Variants in CAST observed in about 807,000 individuals in gnomAD.
The protein encoded by CAST is calpastatin, also known as MIR583 host.
Under a neutral mutation model 119.6 loss-of-function variants are expected in CAST, and 76 were observed. The ratio of observed to expected loss-of-function variants is 0.64; its 90% CI spans 0.53 to 0.77. CAST has a LOEUF of 0.77. Among genes scored for constraint, CAST ranks in the 30% least tolerant of loss-of-function variants. The pLI is 0.00. For missense variants in CAST, 953 were observed against 946.5 expected (o/e 1.01, Z -0.09); for synonymous variants, 319 against 331.6 (o/e 0.96, Z 0.41).
At chr5:96,013,534 T>C in the CAST span, among the ~76,000 whole-genome samples, 1 of 152,144 alleles carries the variant, frequency 6.6e-6, no homozygotes, top group Non-Finnish European at 1.5e-5. Flanking sequence ...ATGATGTGAT[T>C]ATATACAGTC....
chr5:96,111,725 G>C, the CAST span, among the ~76,000 whole-genome samples: 3 of 152,158 alleles, frequency 2.0e-5, no homozygotes, highest in African/African-American at 7.2e-5. Context: ...CAGTACCTAA[G>C]AAGCAAAGCT....
chr5:96,368,267 A>T, the CAST span, among the ~76,000 whole-genome samples: 3 of 152,000 alleles, frequency 2.0e-5, 1 homozygote, highest in African/African-American at 7.2e-5. Context: ...TGGGTGGCCA[A>T]TGCGGGTGGA....
chr5:96,447,968 C>T, the CAST span, among the ~76,000 whole-genome samples: 1 of 150,060 alleles, frequency 6.7e-6, no homozygotes, highest in Non-Finnish European at 1.5e-5. Context: ...GATTTTCAAA[C>T]ATTTTGAGTG....
intron 3 of CAST, chr5:96,702,768 G>A (rs1754101361): frequency 5.1e-6 from 5 of 985,482 alleles, no homozygotes; most frequent in Non-Finnish European, 6.0e-6. Flanking sequence ...GGAGCATCCT[G>A]CGTCGCCTTC....
chr5:96,693,955 T>G (rs996397981), intron 2 of CAST, among the ~76,000 whole-genome samples: 1 of 152,174 alleles, frequency 6.6e-6, no homozygotes, highest in Non-Finnish European at 1.5e-5. Flanking sequence ...CCTGAACTCC[T>G]GCAAATGCCT....
the CAST span, among the ~76,000 whole-genome samples, chr5:96,433,606 A>AG: frequency 4.6e-5 from 7 of 151,252 alleles, no homozygotes; most frequent in East Asian, 1.2e-3. Context: ...TGTGGCGGGG[A>AG]GGGGGGGAGG....
At chr5:96,469,787 A>C in the CAST span, among the ~76,000 whole-genome samples, 1 of 150,332 alleles carries the variant, frequency 6.7e-6, no homozygotes, top group Non-Finnish European at 1.5e-5. Context: ...GCATAATAGA[A>C]AGGGAGAAGA....
chr5:96,740,250 C>A, intron 12 of CAST, 132 bp downstream of exon 12: 1 of 594,598 alleles, frequency 1.7e-6, no homozygotes, highest in Non-Finnish European at 3.0e-6. Flanking sequence ...CTATGAAGCT[C>A]GCTGCATTGG....
At chr5:96,167,478 C>T in the CAST span, among the ~76,000 whole-genome samples, 3 of 152,324 alleles carry the variant, frequency 2.0e-5, no homozygotes, top group African/African-American at 7.2e-5. Context: ...GGGCTGTACC[C>T]TGTAGCATTC....
At chr5:96,655,573 T>TA (rs1255471769) in intron 1 of CAST, among the ~76,000 whole-genome samples, 1 of 152,184 alleles carries the variant, frequency 6.6e-6, no homozygotes. Flanking sequence ...TAGAGAGCTT[T>TA]AAAAAAGGAC....
the CAST span, among the ~76,000 whole-genome samples, chr5:96,083,852 A>G: frequency 3.3e-5 from 5 of 152,172 alleles, no homozygotes; most frequent in Non-Finnish European, 7.4e-5. Flanking sequence ...TCTCAAAACC[A>G]TGGTGTGGTG....
the CAST span, among the ~76,000 whole-genome samples, chr5:96,068,265 C>T: frequency 6.6e-6 from 1 of 152,200 alleles, no homozygotes; most frequent in South Asian, 2.1e-4. Flanking sequence ...AGAGATCTAG[C>T]CAAAAGAACC....
the CAST span, among the ~76,000 whole-genome samples, chr5:96,511,694 A>T: frequency 5.9e-5 from 9 of 152,166 alleles, no homozygotes; most frequent in East Asian, 1.9e-4. Flanking sequence ...CTCTACTCCT[A>T]ATTGCTCTGT....
At chr5:96,770,234 C>T (rs533459473) in intron 29 of CAST, 2 of 345,636 alleles carry the variant, frequency 5.8e-6, no homozygotes, top group East Asian at 1.1e-4. Flanking sequence ...CATTTATTAT[C>T]TATTGACAAG....
chr5:96,260,043 G>C, the CAST span, among the ~76,000 whole-genome samples: 1 of 151,370 alleles, frequency 6.6e-6, no homozygotes, highest in African/African-American at 2.4e-5. Flanking sequence ...TTTTCCATAC[G>C]CCAGAGGAGC....
chr5:96,367,901 G>A, the CAST span, among the ~76,000 whole-genome samples: 9 of 151,956 alleles, frequency 5.9e-5, no homozygotes, highest in African/African-American at 1.5e-4. Context: ...GAAATCACCC[G>A]TCTTCTGCAT....
At chr5:96,421,054 T>C in the CAST span, among the ~76,000 whole-genome samples, 1 of 152,166 alleles carries the variant, frequency 6.6e-6, no homozygotes, top group Non-Finnish European at 1.5e-5. Flanking sequence ...TGTGAGAACA[T>C]CGGTATGAGC....
intron 1 of CAST, among the ~76,000 whole-genome samples, chr5:96,646,370 A>T (rs1441791724): frequency 1.3e-5 from 2 of 152,236 alleles, no homozygotes; most frequent in Admixed American, 6.5e-5. Flanking sequence ...AAACCAGCTA[A>T]GTGGCTACCA....
At chr5:96,375,716 C>T in the CAST span, among the ~76,000 whole-genome samples, 3 of 151,342 alleles carry the variant, frequency 2.0e-5, no homozygotes, top group Non-Finnish European at 4.4e-5. Context: ...TTGGCCTTAC[C>T]CAAGCAGTTG....
Sources: allele counts gnomAD v4.1 joint callset (sites outside exome capture counted in the v4.1 genomes callset), GRCh38; gene constraint gnomAD v4.1.1; transcripts MANE v1.5; gene names NCBI Gene and HGNC (gene_info 2026-07-23, HGNC 2026-07-21).